Variants in FSIP1 observed in about 807,000 individuals in gnomAD.
FSIP1 encodes the protein fibrous sheath-interacting protein 1.
FSIP1 carries 65 observed loss-of-function variants against 60.9 expected under a neutral mutation model. That is an observed-to-expected ratio of 1.07 (90% CI 0.87 to 1.31). The LOEUF is 1.31. FSIP1 is among the 40% of genes most tolerant of loss of function. The pLI is 0.00. For missense variants in FSIP1, 675 were observed against 665.5 expected (o/e 1.01, Z -0.16); for synonymous variants, 209 against 221.2 (o/e 0.94, Z 0.49).
intron 10 of FSIP1, among the ~76,000 whole-genome samples, chr15:39,659,102 C>T (rs1022227781): frequency 2.0e-5 from 3 of 152,196 alleles, no homozygotes; most frequent in Non-Finnish European, 4.4e-5. Context: ...AATGTCCAGG[C>T]TATGAAAATC....
intron 2 of FSIP1, among the ~76,000 whole-genome samples, chr15:39,774,907 C>A (rs905528414): frequency 4.2e-4 from 64 of 152,218 alleles, no homozygotes; most frequent in African/African-American, 1.4e-3. Context: ...GTGGCGTGAC[C>A]TGAGAACCCA....
chr15:39,626,304 A>G (rs1891636321), intron 10 of FSIP1, among the ~76,000 whole-genome samples: 1 of 152,170 alleles, frequency 6.6e-6, no homozygotes, highest in East Asian at 1.9e-4. Flanking sequence ...TTCTGTGTTG[A>G]GCTGGCCTGA....
Position 39,688,328 on chromosome 15 carries a change from T to C in FSIP1, c.1188+25116A>G, listed in dbSNP as rs373608840. Among the ~76,000 whole-genome samples, 9 of 152,306 alleles carry C rather than the reference T, an allele frequency of 5.9e-5. 1 individual carries two copies. The East Asian group carries it at 1.3e-3, about 23-fold the overall frequency. On this transcript the variant is annotated intron_variant, in intron 10 of 11. Coordinates refer to ENST00000350221, the MANE Select transcript of FSIP1 (RefSeq NM_152597.5). The stretch of plus-strand genomic sequence containing the variant: ...AATACACCTAACCTACTGAACATCA[T>C]AGTTTAGTCCAGCCTACCTTAAACA...
intron 11 of FSIP1, among the ~76,000 whole-genome samples, chr15:39,616,461 A>T (rs1412290507): frequency 8.7e-6 from 1 of 115,454 alleles, no homozygotes; most frequent in Non-Finnish European, 2.1e-5. Context: ...CAGAAAACTT[A>T]ACAGAGGGGA....
At chr15:39,731,967 A>G (rs1595672863) in intron 8 of FSIP1, among the ~76,000 whole-genome samples, 2 of 152,306 alleles carry the variant, frequency 1.3e-5, no homozygotes. Context: ...AGAAGTCCCC[A>G]ACATTTTTGG....
chr15:39,753,607 T>C (rs1037756752), intron 5 of FSIP1, among the ~76,000 whole-genome samples: 1 of 152,104 alleles, frequency 6.6e-6, no homozygotes, highest in Admixed American at 6.6e-5. Flanking sequence ...ACATTAAATA[T>C]GTTGGACATG....
rs544863679 is a variant in FSIP1, at chr15:39,673,150, A to G, written c.1188+40294T>C. On this transcript the variant is annotated intron_variant, in intron 10 of 11. Transcript: ENST00000350221. ...AAAAACTGCCCAAAAGGTTTCTGAA[A>G]AAGAGAAACTTTAAGAATAACAATG... Among the ~76,000 whole-genome samples, 3 of 152,346 alleles carry G rather than the reference A, an allele frequency of 2.0e-5. No individual in the cohort carries two copies. In the East Asian group the frequency reaches 5.8e-4, roughly 29 times the overall value.
intron 8 of FSIP1, among the ~76,000 whole-genome samples, chr15:39,736,994 G>A (rs1002746735): frequency 2.6e-5 from 4 of 152,136 alleles, no homozygotes; most frequent in African/African-American, 9.7e-5. Context: ...CCTTAGCACA[G>A]GGCTGGGGCG....
intron 5 of FSIP1, among the ~76,000 whole-genome samples, chr15:39,759,202 G>C (rs1342863873): frequency 6.6e-6 from 1 of 151,022 alleles, no homozygotes; most frequent in African/African-American, 2.4e-5. Context: ...TAAAAAAAAA[G>C]TTAGAAAAAT....
At chr15:39,765,267 T>C (rs117679097) in intron 4 of FSIP1, among the ~76,000 whole-genome samples, 2,793 of 139,598 alleles carry the variant, frequency 0.02, 41 homozygotes, top group Non-Finnish European at 0.031. Flanking sequence ...TTTTTGAGTG[T>C]CTTGCTCTGT....
intron 10 of FSIP1, among the ~76,000 whole-genome samples, chr15:39,620,471 T>C (rs971531870): frequency 1.3e-5 from 2 of 152,110 alleles, no homozygotes; most frequent in African/African-American, 4.8e-5. Flanking sequence ...GGAGAAAATA[T>C]CAAGGGGTAG....
intron 5 of FSIP1, among the ~76,000 whole-genome samples, chr15:39,758,215 T>C (rs1490296444): frequency 6.6e-6 from 1 of 152,052 alleles, no homozygotes; most frequent in Non-Finnish European, 1.5e-5. Flanking sequence ...AGTTTTGATT[T>C]GGTTTTGAAA....
rs770471690 is a variant in FSIP1 at position 39,776,540 on chromosome 15, A to G, written c.-7-9T>C. 1.3e-6 allele frequency: 2 copies of G among 1,591,398 alleles called. No individual in the cohort carries two copies. Among genetic ancestry groups the G allele is most frequent in the South Asian group, 1.1e-5 (1 of 88,338 alleles). On this transcript the variant is annotated splice_polypyrimidine_tract_variant and intron_variant, in intron 1 of 11. Transcript: ENST00000350221. ...TAATATCCATTGAAATCCTGAAACA[A>G]CAAATAAAATATTTAATACCAAGCG...
chr15:39,767,708 G>A (rs1897740505), intron 3 of FSIP1, among the ~76,000 whole-genome samples: 1 of 152,232 alleles, frequency 6.6e-6, no homozygotes, highest in South Asian at 2.1e-4. Context: ...GAACGATGCA[G>A]ATGCGAAGGT....
intron 5 of FSIP1, among the ~76,000 whole-genome samples, chr15:39,743,849 G>A (rs34439198): frequency 0.27 from 40,683 of 151,924 alleles, 6,661 homozygotes; most frequent in Non-Finnish European, 0.38. Flanking sequence ...GAACCTAACC[G>A]AGCAGAAACA....
intron 5 of FSIP1, among the ~76,000 whole-genome samples, chr15:39,758,609 A>T: frequency 6.6e-6 from 1 of 152,232 alleles, no homozygotes; most frequent in South Asian, 2.1e-4. Context: ...TTTTCCAAGC[A>T]GACTACGTTC....
At chr15:39,642,116 T>C (rs1356927495) in intron 10 of FSIP1, among the ~76,000 whole-genome samples, 1 of 152,154 alleles carries the variant, frequency 6.6e-6, no homozygotes, top group African/African-American at 2.4e-5. Flanking sequence ...AGATACTATC[T>C]ATGACTCATA....
intron 10 of FSIP1, among the ~76,000 whole-genome samples, chr15:39,653,253 T>C (rs1892949039): frequency 6.6e-6 from 1 of 151,782 alleles, no homozygotes; most frequent in Non-Finnish European, 1.5e-5. Flanking sequence ...GAATGGAACT[T>C]GCTCTGGGTG....
intron 11 of FSIP1, among the ~76,000 whole-genome samples, chr15:39,608,585 T>C (rs1218893020): frequency 6.6e-6 from 1 of 152,132 alleles, no homozygotes; most frequent in East Asian, 1.9e-4. Context: ...AATTTCAGAG[T>C]AGAACAAAGT....
Sources: gnomAD v4.1 joint callset for allele counts (sites outside exome capture counted in the v4.1 genomes callset) on GRCh38, gnomAD v4.1.1 for gene constraint, MANE v1.5 for transcripts, NCBI Gene and HGNC (gene_info 2026-07-23, HGNC 2026-07-21) for gene names.